Variants in QRSL1 observed in about 807,000 individuals in gnomAD.
QRSL1 encodes glutamyl-tRNA(Gln) amidotransferase subunit A, mitochondrial.
QRSL1 carries 54 observed loss-of-function variants against 61.6 expected under a neutral mutation model. The ratio of observed to expected loss-of-function variants is 0.88; its 90% CI spans 0.70 to 1.10. The LOEUF is 1.10. Among genes scored for constraint, QRSL1 ranks in the 50% least tolerant of loss-of-function variants. The pLI, the probability that QRSL1 is intolerant of heterozygous loss-of-function variation, is 0.00. For missense variants in QRSL1, 505 were observed against 622.6 expected (o/e 0.81, Z 2.01); for synonymous variants, 228 against 225.7 (o/e 1.01, Z -0.09).
chr6:106,665,999 G>C lies in QRSL1; in HGVS notation c.1584G>C (p.Gln528His). 6.2e-7 allele frequency: 1 copy of C among 1,612,650 alleles called. No homozygotes were observed. Among genetic ancestry groups the C allele is most frequent in the Non-Finnish European group, 8.5e-7 (1 of 1,178,772 alleles). Residue 528 changes from glutamine (Q) to histidine (H), a missense_variant, in exon 11 of 11, where the codon CAG (glutamine) becomes CAC (histidine). Coordinates refer to ENST00000369046, the MANE Select transcript of QRSL1 (RefSeq NM_018292.5). ...AGTTAGCCTCTGTCTCTCTAAAACA[G>C]TAAACATATCTTACAAATTAAAATG... Reference protein sequence around the residue: ...NEKLASVSLKQ With the variant: ...NEKLASVSLKH
chr6:106,640,466 G>C lies in QRSL1; in HGVS notation c.142G>C (p.Ala48Pro), dbSNP rs372261609. ...NAYITVSEEVALKQAEESEKR... is the reference protein window; with the variant it reads ...NAYITVSEEVPLKQAEESEKR... The stretch of plus-strand genomic sequence containing the variant: ...CTACATTACTGTGTCAGAAGAGGTG[G>C]CCTTAAAACAAGCTGAAGAATCAGA... Residue 48 changes from alanine to proline, a missense_variant, in exon 2 of 11, where the codon GCC (alanine) becomes CCC (proline). By Grantham distance (27) the Ala-to-Pro change is conservative. Transcript: ENST00000369046. The C allele has an allele frequency of 1.0e-5, 16 of 1,593,918 alleles. No homozygotes were observed. The highest frequency in any genetic ancestry group is 1.3e-5 in the Non-Finnish European group (15 of 1,174,294).
At chr6:106,664,923 T>C (rs1777408730) in intron 10 of QRSL1, among the ~76,000 whole-genome samples, 1 of 152,210 alleles carries the variant, frequency 6.6e-6, no homozygotes. Flanking sequence ...CCTTGAAATA[T>C]TAGCTAGAGA....
intron 1 of QRSL1, among the ~76,000 whole-genome samples, chr6:106,636,389 T>C (rs1264994704): frequency 6.6e-6 from 1 of 151,794 alleles, no homozygotes. Context: ...GGCACAATTT[T>C]GGCTCACTGC....
intron 1 of QRSL1, among the ~76,000 whole-genome samples, chr6:106,631,082 C>T (rs1016520824): frequency 1.3e-5 from 2 of 152,036 alleles, no homozygotes; most frequent in Non-Finnish European, 2.9e-5. Flanking sequence ...AAAAATTAGC[C>T]GGGCGTAGTG....
chr6:106,642,599 A>G (rs1468739892), intron 3 of QRSL1: 6 of 755,280 alleles, frequency 7.9e-6, no homozygotes, highest in Non-Finnish European at 1.4e-5. Context: ...TATTGTTCAA[A>G]AAGGAATGCC....
At chr6:106,640,066 A>T (rs972889767) in intron 1 of QRSL1, 7 of 268,302 alleles carry the variant, frequency 2.6e-5, no homozygotes, top group African/African-American at 1.4e-4. Flanking sequence ...CCTGGACAGG[A>T]TGGTTTACCT....
At chr6:106,646,025 G>A (rs1355211356) in intron 4 of QRSL1, among the ~76,000 whole-genome samples, 1 of 152,148 alleles carries the variant, frequency 6.6e-6, no homozygotes, top group Non-Finnish European at 1.5e-5. Context: ...TGATCTTAGG[G>A]AACAGCAGTC....
At chr6:106,634,294 G>A (rs1245476476) in intron 1 of QRSL1, among the ~76,000 whole-genome samples, 1 of 152,196 alleles carries the variant, frequency 6.6e-6, no homozygotes, top group Admixed American at 6.5e-5. Context: ...TAGGGAGACA[G>A]GTAGGAGCCA....
At chr6:106,646,468 T>C (rs1037669032) in intron 4 of QRSL1, among the ~76,000 whole-genome samples, 3 of 151,878 alleles carry the variant, frequency 2.0e-5, no homozygotes, top group African/African-American at 7.3e-5. Flanking sequence ...GGATAAGAGA[T>C]AAAGAAAGTA....
At chr6:106,662,061 A>AT (rs969160591) in intron 9 of QRSL1, among the ~76,000 whole-genome samples, 5 of 151,600 alleles carry the variant, frequency 3.3e-5, no homozygotes, top group African/African-American at 1.2e-4. Flanking sequence ...AATCTAAAGG[A>AT]TTTTTTTTCC....
At position 106,666,147 on chromosome 6, in the gene QRSL1, A is replaced by C. The variant is rs1470954628; in HGVS notation, c.*145A>C. On this transcript the variant is annotated 3_prime_UTR_variant, in exon 11 of 11. Coordinates refer to ENST00000369046, the MANE Select transcript of QRSL1 (RefSeq NM_018292.5). ...GTCAACATGGTGAAACCCCGTCTCT[A>C]CTAAAAATACAAAAATTAGCCAGGC... 2 of 670,688 alleles carry C rather than the reference A, an allele frequency of 3.0e-6. No homozygotes were observed. 41.5% of individuals were successfully genotyped at this position (670,688 alleles called of 1,614,324 possible).
chr6:106,652,392 T>C lies in QRSL1; in HGVS notation c.733+8T>C. On this transcript the variant is annotated splice_region_variant and intron_variant, in intron 6 of 10. Transcript: ENST00000369046. Reference sequence around the variant, plus strand: ...ATGCAGCAATTGTGTTGGGTATTTATATAATTCTATATCATTTGCAACAGC... The same window carrying C: ...ATGCAGCAATTGTGTTGGGTATTTACATAATTCTATATCATTTGCAACAGC... The C allele has an allele frequency of 6.2e-7, 1 of 1,613,790 alleles. No homozygotes were observed. The highest frequency in any genetic ancestry group is 1.7e-5 in the Admixed American group (1 of 59,976).
At chr6:106,642,899 G>A in intron 3 of QRSL1, 95 bp from the exon 4 acceptor site, 1 of 915,936 alleles carries the variant, frequency 1.1e-6, no homozygotes, top group Non-Finnish European at 1.8e-6. Context: ...TGAGCTGTTG[G>A]AGCCTATTCC....
chr6:106,641,988 G>A (rs934250505), intron 3 of QRSL1, among the ~76,000 whole-genome samples: 2 of 152,142 alleles, frequency 1.3e-5, no homozygotes, highest in South Asian at 2.1e-4. Context: ...ATTTAAATTA[G>A]GAATAATTAA....
At chr6:106,654,607 C>T in intron 7 of QRSL1, 123 bp from the exon 8 acceptor site, 1 of 797,662 alleles carries the variant, frequency 1.3e-6, no homozygotes, top group Non-Finnish European at 1.9e-6. Context: ...ATCCTATTTT[C>T]TAATGTATTA....
rs1372602762 is a variant in QRSL1, at chr6:106,667,062, A to G, written c.*1060A>G. On this transcript the variant is annotated 3_prime_UTR_variant, in exon 11 of 11. Coordinates refer to ENST00000369046, the MANE Select transcript of QRSL1 (RefSeq NM_018292.5). The stretch of plus-strand genomic sequence containing the variant: ...CTATTTACTGATCACAAATGAGCTC[A>G]TTAATGTCATCGAAACATTTATTGT... 16 of 152,256 alleles carry G rather than the reference A, an allele frequency of 1.1e-4. No homozygotes were observed. The highest frequency in any genetic ancestry group is 1.0e-3 in the Admixed American group (16 of 15,286). 9.4% of individuals were successfully genotyped at this position (152,256 alleles called of 1,614,324 possible). A position where few individuals can be genotyped will look rare whatever the true frequency, so the allele number is the denominator to read the frequency against.
At chr6:106,638,709 G>T (rs1979347) in intron 1 of QRSL1, among the ~76,000 whole-genome samples, 4,937 of 152,242 alleles carry the variant, frequency 0.032, 273 homozygotes, top group East Asian at 0.19. Flanking sequence ...CCCTGCAGCA[G>T]TCCTGCAGCC....
chr6:106,660,330 A>ACC lies in QRSL1; in HGVS notation c.1161-2643_1161-2642dup, dbSNP rs144893607. On this transcript the variant is annotated intron_variant, in intron 9 of 10. Transcript: ENST00000369046. ...TTCTCAGCAACCCTCAACACTCCCC[A>ACC]CCCCCCCCGTGAAGCTAGGACTACT... 2.1e-3 allele frequency among the ~76,000 whole-genome samples: 233 copies of ACC among 112,304 alleles called. 1 individual carries two copies. Among genetic ancestry groups the ACC allele is most frequent in the Non-Finnish European group, 3.2e-3 (172 of 53,976 alleles). The allele number at this position is 112,304 out of a possible 152,430, so 73.7% of individuals were successfully genotyped here. A position where few individuals can be genotyped will look rare whatever the true frequency, so the allele number is the denominator to read the frequency against.
chr6:106,662,287 AT>A (rs1401743546), intron 9 of QRSL1, among the ~76,000 whole-genome samples: 1 of 152,158 alleles, frequency 6.6e-6, no homozygotes, highest in Non-Finnish European at 1.5e-5. Flanking sequence ...TCACCAATGA[AT>A]ATTCTGGTTT....
Sources: allele counts gnomAD v4.1 joint callset (sites outside exome capture counted in the v4.1 genomes callset), GRCh38; gene constraint gnomAD v4.1.1; transcripts MANE v1.5; gene names NCBI Gene and HGNC (gene_info 2026-07-23, HGNC 2026-07-21).